The following CAPN13 variants were observed in gnomAD, a reference collection of about 807,000 sequenced individuals.
CAPN13 encodes the protein calpain 13, also known as calpain-13.
A neutral mutation model predicts 98.4 loss-of-function variants in CAPN13; 90 were observed. The observed-to-expected ratio is 0.92, with a 90% confidence interval of 0.77 to 1.09. The LOEUF (loss-of-function observed/expected upper bound fraction) is 1.09, where lower values mean the gene tolerates loss of function less well. Among genes scored for constraint, CAPN13 ranks in the 50% least tolerant of loss-of-function variants. The pLI is 0.00. For missense variants in CAPN13, 887 were observed against 841.3 expected (o/e 1.05, Z -0.67); for synonymous variants, 330 against 305.5 (o/e 1.08, Z -0.84).
intron 2 of CAPN13, 129 bp downstream of exon 2, chr2:30,786,999 G>C: frequency 1.4e-6 from 1 of 710,222 alleles, no homozygotes; most frequent in Non-Finnish European, 2.3e-6. Context: ...CAACACTGTA[G>C]CAGAGATACC....
intron 15 of CAPN13, among the ~76,000 whole-genome samples, chr2:30,740,013 G>T (rs1671568608): frequency 6.6e-6 from 1 of 151,826 alleles, no homozygotes; most frequent in African/African-American, 2.4e-5. Context: ...GGCAGACCCT[G>T]GGTTATAGAG....
chr2:30,738,210 T>C, intron 17 of CAPN13, 25 bp downstream of exon 17: 1 of 1,613,570 alleles, frequency 6.2e-7, no homozygotes, highest in Middle Eastern at 1.7e-4. Flanking sequence ...GCTCAGAGCA[T>C]GGGAGGGATG....
rs1166062768 is a variant in CAPN13, at chr2:30,742,318, ATACCT to A, written c.1479+3_1479+7del. On this transcript the variant is annotated splice_donor_5th_base_variant and intron_variant, in intron 14 of 22. Transcript: ENST00000295055. ...AGGCTCGCCAGCCAAACCTTGCTGC[ATACCT>A]ACCTTCATTCTGAGGTTGAAATGGC... 48 of 1,595,872 alleles carry A rather than the reference ATACCT, an allele frequency of 3.0e-5. No homozygotes were observed. The highest frequency in any genetic ancestry group is 4.1e-5 in the Non-Finnish European group (48 of 1,168,594).
intron 7 of CAPN13, among the ~76,000 whole-genome samples, chr2:30,758,979 TC>T (rs1471643796): frequency 2.2e-5 from 3 of 135,148 alleles, no homozygotes; most frequent in Non-Finnish European, 4.8e-5. Flanking sequence ...TTCTTTCCTT[TC>T]TTCCCCCCTT....
At chr2:30,755,845 T>A (rs1672415919) in intron 8 of CAPN13, among the ~76,000 whole-genome samples, 1 of 152,136 alleles carries the variant, frequency 6.6e-6, no homozygotes, top group South Asian at 2.1e-4. Context: ...ATAAATGTAG[T>A]GTAGATCAAT....
intron 5 of CAPN13, among the ~76,000 whole-genome samples, chr2:30,766,980 C>T (rs892479063): frequency 6.6e-6 from 1 of 152,230 alleles, no homozygotes; most frequent in Non-Finnish European, 1.5e-5. Flanking sequence ...CAGATGGGCT[C>T]TCTACATTTG....
intron 20 of CAPN13, 54 bp downstream of exon 20, chr2:30,732,384 C>G (rs1671147160): frequency 6.2e-7 from 1 of 1,607,096 alleles, no homozygotes; most frequent in Non-Finnish European, 8.5e-7. Flanking sequence ...CGGTCCTCTC[C>G]TGTGTTCTTC....
chr2:30,758,078 G>A lies in CAPN13; in HGVS notation c.834C>T (p.Gly278=), dbSNP rs763841578. The A allele has an allele frequency of 2.0e-5, 32 of 1,610,628 alleles. No individual in the cohort carries two copies. Among genetic ancestry groups the A allele is most frequent in the East Asian group, 1.3e-4 (6 of 44,776 alleles). ...TCCAGCGCCCTCTCCATTCGGCCTC[G>A]CCCCAGCCCCAGGGGTTCCACAGGG... is the stretch of plus-strand genomic sequence containing the variant. ...IISLWNPWGW[G]EAEWRGRWSD... The change falls in exon 8 of 23, where the codon GGC becomes GGT. Residue 278 remains glycine, a synonymous_variant. Transcript: ENST00000295055.
At chr2:30,774,005 A>T (rs1321130603) in intron 4 of CAPN13, among the ~76,000 whole-genome samples, 1 of 148,924 alleles carries the variant, frequency 6.7e-6, no homozygotes, top group Non-Finnish European at 1.5e-5. Context: ...ATATTCTCCA[A>T]TTATAATAAA....
intron 1 of CAPN13, among the ~76,000 whole-genome samples, chr2:30,798,466 TCTGC>T (rs1191354077): frequency 5.9e-5 from 9 of 152,228 alleles, no homozygotes; most frequent in Non-Finnish European, 1.3e-4. Flanking sequence ...TCAGTGACTT[TCTGC>T]CAGTGATGAA....
At chr2:30,795,953 T>A (rs1674834515) in intron 1 of CAPN13, among the ~76,000 whole-genome samples, 1 of 151,736 alleles carries the variant, frequency 6.6e-6, no homozygotes, top group South Asian at 2.1e-4. Flanking sequence ...TTTTATGAAG[T>A]CCAACATATA....
intron 2 of CAPN13, among the ~76,000 whole-genome samples, chr2:30,778,107 G>A (rs1204341208): frequency 1.3e-5 from 2 of 152,220 alleles, no homozygotes; most frequent in Non-Finnish European, 2.9e-5. Context: ...ACAGGTTTAA[G>A]TCTAGCCGTG....
chr2:30,798,211 T>C (rs1674986666), intron 1 of CAPN13, among the ~76,000 whole-genome samples: 2 of 152,248 alleles, frequency 1.3e-5, no homozygotes, highest in African/African-American at 4.8e-5. Context: ...ATAATTTGCA[T>C]TTAAATGTAA....
Position 30,752,022 on chromosome 2 carries a change from C to T in CAPN13, c.1088-771G>A, listed in dbSNP as rs1016795915. 1.3e-4 allele frequency among the ~76,000 whole-genome samples: 20 copies of T among 152,192 alleles called. No individual in the cohort carries two copies. The East Asian group carries it at 3.7e-3, about 28-fold the overall frequency. ...CAAGCATTGTATCCAGGGGAGAGGG[C>T]CTTGGCCCTATAATCAGAGAGGTGC... On this transcript the variant is annotated intron_variant, in intron 10 of 22. Transcript: ENST00000295055.
intron 11 of CAPN13, among the ~76,000 whole-genome samples, chr2:30,750,536 T>G (rs1672122591): frequency 6.6e-6 from 1 of 151,848 alleles, no homozygotes; most frequent in Non-Finnish European, 1.5e-5. Context: ...CAAGCAGAAG[T>G]TTGCATGCCA....
At chr2:30,805,430 T>A (rs186543143) in intron 1 of CAPN13, among the ~76,000 whole-genome samples, 1 of 152,164 alleles carries the variant, frequency 6.6e-6, no homozygotes, top group African/African-American at 2.4e-5. Context: ...TTACCTTAAG[T>A]GCTAAGTAGC....
At chr2:30,775,848 C>T (rs930685080) in intron 4 of CAPN13, 82 bp downstream of exon 4, 1 of 921,068 alleles carries the variant, frequency 1.1e-6, no homozygotes, top group Non-Finnish European at 1.5e-6. Context: ...GCTTCCCGGC[C>T]ACGAGAAAAC....
intron 4 of CAPN13, among the ~76,000 whole-genome samples, chr2:30,770,700 G>A (rs907824676): frequency 6.6e-6 from 1 of 152,256 alleles, no homozygotes; most frequent in Non-Finnish European, 1.5e-5. Flanking sequence ...TTGGGTTCTA[G>A]CTTCACTTTG....
chr2:30,770,334 A>G lies in CAPN13; in HGVS notation c.503T>C (p.Leu168Pro), dbSNP rs1254058403. ...RHQNQEFWPCLLEKAYAKLLG... is the reference protein window; with the variant it reads ...RHQNQEFWPCPLEKAYAKLLG... The stretch of plus-strand genomic sequence containing the variant: ...TTACTTGGCATAGGCCTTCTCCAGC[A>G]GGCAGGGCCAGAACTCTTGGTTTTG... The change falls in exon 5 of 23, where the codon CTG becomes CCG. Residue 168 changes from leucine (L) to proline (P), a missense_variant. Physicochemically the swap from Leu to Pro is moderately conservative, Grantham distance 98. Coordinates refer to ENST00000295055, the MANE Select transcript of CAPN13 (RefSeq NM_144575.3). 6.2e-7 allele frequency: 1 copy of G among 1,614,014 alleles called. No homozygotes were observed. Among genetic ancestry groups the G allele is most frequent in the Admixed American group, 1.7e-5 (1 of 60,030 alleles).
Sources: allele counts gnomAD v4.1 joint callset (sites outside exome capture counted in the v4.1 genomes callset), GRCh38; gene constraint gnomAD v4.1.1; transcripts MANE v1.5; gene names NCBI Gene and HGNC (gene_info 2026-07-23, HGNC 2026-07-21).